The following PGBD2 variants were observed in gnomAD, a reference collection of about 807,000 sequenced individuals.
The protein encoded by PGBD2 is piggyBac transposable element-derived protein 2.
PGBD2 carries 6 observed loss-of-function variants against 8.1 expected under a neutral mutation model. The observed-to-expected ratio is 0.74, with a 90% CI of 0.40 to 1.46. The LOEUF (loss-of-function observed/expected upper bound fraction) is 1.46, where lower values mean the gene tolerates loss of function less well. PGBD2 is among the 40% of genes most tolerant of loss of function. The probability of loss-of-function intolerance (pLI) is 0.02; values close to 1 mark genes in which losing one functional copy is unlikely to be tolerated. For synonymous variants in PGBD2, 318 were observed against 272.2 expected (o/e 1.17, Z -1.66); for missense variants, 802 against 739.0 (o/e 1.09, Z -0.99).
At chr1:248,882,417 A>G in the PGBD2 span, among the ~76,000 whole-genome samples, 1 of 152,222 alleles carries the variant, frequency 6.6e-6, no homozygotes, top group East Asian at 1.9e-4. Flanking sequence ...TAAAACAGAA[A>G]CACAGTATTT....
At chr1:248,900,975 T>C in the PGBD2 span, among the ~76,000 whole-genome samples, 2 of 152,118 alleles carry the variant, frequency 1.3e-5, no homozygotes, top group African/African-American at 2.4e-5. Flanking sequence ...AAACCATGAA[T>C]GAACTCCCAT....
chr1:248,925,399 A>C, the PGBD2 span, among the ~76,000 whole-genome samples: 25 of 152,220 alleles, frequency 1.6e-4, no homozygotes, highest in Admixed American at 1.4e-3. Flanking sequence ...ATGTAATGCT[A>C]TTGCTGCAAA....
chr1:248,891,729 C>T, the PGBD2 span, among the ~76,000 whole-genome samples: 33 of 152,212 alleles, frequency 2.2e-4, no homozygotes, highest in Admixed American at 1.8e-3. Flanking sequence ...GAAGCTGAAG[C>T]GGGAAGATGG....
chr1:248,916,861 C>A lies in PGBD2; in HGVS notation c.277C>A (p.Leu93Met). Residue 93 changes from leucine to methionine, a missense_variant, in exon 3 of 3, where the codon CTG becomes ATG. By Grantham distance (15) the Leu-to-Met change is conservative (BLOSUM62 2). Transcript: ENST00000329291. The stretch of plus-strand genomic sequence containing the variant: ...TGGCACCGGGGAGGATAATGACGAC[C>A]TGGAGCTGCAGCCAGCCAAGAAGAG... Reference protein sequence around the residue: ...DSGTGEDNDDLELQPAKKRQK... With the variant: ...DSGTGEDNDDMELQPAKKRQK... 6.2e-7 allele frequency: 1 copy of A among 1,614,054 alleles called. No homozygotes were observed. The highest frequency in any genetic ancestry group is 2.2e-5 in the East Asian group (1 of 44,870).
downstream of PGBD2, among the ~76,000 whole-genome samples, chr1:248,920,948 A>G (rs1349085512): frequency 1.3e-5 from 2 of 151,092 alleles, no homozygotes; most frequent in Non-Finnish European, 2.9e-5. Flanking sequence ...TCTTCTTTTG[A>G]GAAGTGTCTG....
downstream of PGBD2, among the ~76,000 whole-genome samples, chr1:248,921,239 G>A (rs1281926400): frequency 6.6e-6 from 1 of 152,154 alleles, no homozygotes; most frequent in Non-Finnish European, 1.5e-5. Flanking sequence ...GAATGGTATT[G>A]CCCAGGGTTT....
the PGBD2 span, among the ~76,000 whole-genome samples, chr1:248,894,463 C>T: frequency 2.6e-5 from 4 of 152,004 alleles, no homozygotes; most frequent in African/African-American, 4.8e-5. Context: ...GACAAGACTC[C>T]GATTACATGC....
chr1:248,878,090 C>G, the PGBD2 span, among the ~76,000 whole-genome samples: 1 of 152,074 alleles, frequency 6.6e-6, no homozygotes, highest in African/African-American at 2.4e-5. Flanking sequence ...TTTCTGTGTC[C>G]ATTGGCCACG....
Position 248,918,016 on chromosome 1 carries a change from C to A in PGBD2, c.1432C>A (p.Arg478=). 1 of 1,614,024 alleles carries A rather than the reference C, an allele frequency of 6.2e-7. No individual in the cohort carries two copies. The highest frequency in any genetic ancestry group is 8.5e-7 in the Non-Finnish European group (1 of 1,179,988). ...QNIAKYKVKI[R]GMKWYSSFIG... is the part of the protein sequence containing the mutation. ...TATTGCCAAGTACAAGGTGAAGATC[C>A]GAGGCATGAAGTGGTACTCAAGCTT... is the stretch of plus-strand genomic sequence containing the variant. Residue 478 remains arginine, a synonymous_variant, in exon 3 of 3, where the codon CGA becomes AGA. Coordinates refer to ENST00000329291, the MANE Select transcript of PGBD2 (RefSeq NM_170725.3).
At chr1:248,883,127 T>G in the PGBD2 span, among the ~76,000 whole-genome samples, 4 of 151,888 alleles carry the variant, frequency 2.6e-5, no homozygotes, top group Admixed American at 2.0e-4. Context: ...TTGTTTGTTT[T>G]TTGTTTGTTT....
chr1:248,874,221 C>A, the PGBD2 span, among the ~76,000 whole-genome samples: 1 of 152,178 alleles, frequency 6.6e-6, no homozygotes, highest in African/African-American at 2.4e-5. Context: ...TTTAGTATAG[C>A]ATATTGCTAA....
chr1:248,885,379 T>C, the PGBD2 span, among the ~76,000 whole-genome samples: 1 of 151,740 alleles, frequency 6.6e-6, no homozygotes. Flanking sequence ...AGCCTTAAGC[T>C]ATCCTCTCAC....
the PGBD2 span, among the ~76,000 whole-genome samples, chr1:248,878,627 C>T: frequency 6.6e-5 from 10 of 152,226 alleles, no homozygotes; most frequent in African/African-American, 2.4e-4. Context: ...GTTCTCTTTT[C>T]GGTAGTCCAT....
chr1:248,891,428 G>T, the PGBD2 span, among the ~76,000 whole-genome samples: 1 of 152,186 alleles, frequency 6.6e-6, no homozygotes, highest in Non-Finnish European at 1.5e-5. Context: ...TGGGTTTCAT[G>T]ATATAAATTT....
chr1:248,889,859 CAAAG>C, the PGBD2 span, among the ~76,000 whole-genome samples: 5,243 of 151,906 alleles, frequency 0.035, 295 homozygotes, highest in African/African-American at 0.12. Flanking sequence ...ATAGGCAAAA[CAAAG>C]AGTCACAGAA....
chr1:248,893,526 T>C, the PGBD2 span, among the ~76,000 whole-genome samples: 1 of 152,338 alleles, frequency 6.6e-6, no homozygotes, highest in East Asian at 1.9e-4. Context: ...TTCAAGTCCA[T>C]CTAAATGACT....
At chr1:248,878,904 G>C in the PGBD2 span, among the ~76,000 whole-genome samples, 1 of 152,170 alleles carries the variant, frequency 6.6e-6, no homozygotes, top group Non-Finnish European at 1.5e-5. Flanking sequence ...TTGTTGGTTG[G>C]AGTGATTTAA....
At chr1:248,910,685 C>T (rs999823890) in intron 1 of PGBD2, among the ~76,000 whole-genome samples, 1 of 152,178 alleles carries the variant, frequency 6.6e-6, no homozygotes, top group Non-Finnish European at 1.5e-5. Flanking sequence ...CCAAGAAGGT[C>T]AGAGCAGAAG....
At chr1:248,903,811 T>G (rs1661574900), upstream of PGBD2, among the ~76,000 whole-genome samples, 1 of 152,192 alleles carries the variant, frequency 6.6e-6, no homozygotes, top group African/African-American at 2.4e-5. Flanking sequence ...TGTGACATTC[T>G]TAATTGTTGG....
Sources: allele counts gnomAD v4.1 joint callset (sites outside exome capture counted in the v4.1 genomes callset), GRCh38; gene constraint gnomAD v4.1.1; transcripts MANE v1.5; gene names NCBI Gene and HGNC (gene_info 2026-07-23, HGNC 2026-07-21).